The following EIF4B variants were observed in gnomAD, a reference collection of about 807,000 sequenced individuals.
EIF4B encodes the protein eukaryotic translation initiation factor 4B.
Under a neutral mutation model 79.3 loss-of-function variants are expected in EIF4B, and 8 were observed. The ratio of observed to expected loss-of-function variants is 0.10; its 90% confidence interval spans 0.06 to 0.18. The LOEUF is 0.18. Among genes scored for constraint, EIF4B ranks in the 10% least tolerant of loss-of-function variants. The pLI is 1.00. For missense variants in EIF4B, 515 were observed against 792.4 expected, an observed-to-expected ratio of 0.65 and a Z score of 4.20; for synonymous variants, 238 against 274.7, an observed-to-expected ratio of 0.87 and a Z score of 1.32.
Position 53,040,195 on chromosome 12 carries a change from A to G in EIF4B, c.1808A>G (p.Glu603Gly), listed in dbSNP as rs758119992. Residue 603 changes from glutamate to glycine, a missense_variant, in exon 15 of 15, where the codon GAA becomes GGA. Glu to Gly is a moderately conservative substitution (Grantham distance 98). This residue lies in a region of EIF4B where 60 missense variants were observed against 56.7 expected (regional missense o/e 1.06). Transcript: ENST00000262056. ...YAALSVDGEDENEGEDYAE is the reference protein window; with the variant it reads ...YAALSVDGEDGNEGEDYAE ...GCTCTCTCTGTTGATGGTGAAGATG[A>G]AAATGAGGGAGAAGATTATGCCGAA... The G allele has an allele frequency of 2.7e-5, 43 of 1,614,016 alleles. No homozygotes were observed. The highest frequency in any genetic ancestry group is 3.4e-5 in the Non-Finnish European group (40 of 1,179,996).
intron 8 of EIF4B, among the ~76,000 whole-genome samples, chr12:53,030,997 AC>A (rs774006594): frequency 1.1e-4 from 17 of 148,248 alleles, no homozygotes; most frequent in African/African-American, 4.0e-4. Context: ...TCTTGCTCTT[AC>A]CCCCCCATTC....
Position 53,021,848 on chromosome 12 carries a change from G to A in EIF4B, c.520G>A (p.Ala174Thr), listed in dbSNP as rs761926545. Residue 174 changes from alanine (A) to threonine (T), a missense_variant, in exon 5 of 15, where the codon GCA becomes ACA. This residue lies in a region of EIF4B where 16 missense variants were observed against 54.0 expected (regional missense o/e 0.30). Coordinates refer to ENST00000262056, the MANE Select transcript of EIF4B (RefSeq NM_001417.7). ...RRIRVDVADQ[A>T]QDKDRDDRSF... ...AATTCGAGTGGACGTTGCTGATCAA[G>A]CACAGGATAAAGGTAAGGAAACTGG... 1 of 1,614,200 alleles carries A rather than the reference G, an allele frequency of 6.2e-7. No individual in the cohort carries two copies. The highest frequency in any genetic ancestry group is 2.2e-5 in the East Asian group (1 of 44,886).
intron 8 of EIF4B, among the ~76,000 whole-genome samples, chr12:53,030,410 A>ATTTTTTTTTTTTTTT (rs1555153412): frequency 2.9e-4 from 10 of 34,192 alleles, no homozygotes; most frequent in Non-Finnish European, 5.6e-4. Flanking sequence ...AAAAAATTAT[A>ATTTTTTTTTTTTTTT]TTCTTTTTTT....
In EIF4B at chr12:53,028,065, C is replaced by T. The variant is rs776635410; in HGVS notation, c.856C>T (p.Arg286Cys). 4.3e-6 allele frequency: 7 copies of T among 1,613,470 alleles called. No homozygotes were observed. The highest frequency in any genetic ancestry group is 3.4e-6 in the Non-Finnish European group (4 of 1,179,764). Residue 286 changes from arginine to cysteine, a missense_variant, in exon 8 of 15, where the codon CGC (arginine) becomes TGC (cysteine). By Grantham distance (180) the Arg-to-Cys change is radical. Transcript: ENST00000262056. ...CAGAAGAGCATTTGGCAGTGGGTAT[C>T]GCAGGGATGATGACTACAGAGGAGG... ...SGRRAFGSGY[R>C]RDDDYRGGGD...
Position 53,040,175 on chromosome 12 carries a change from C to A in EIF4B, c.1788C>A (p.Leu596=). ...KFSSASKYAA[L]SVDGEDENEG... Reference sequence around the variant, plus strand: ...GTTCTGCAAGCAAGTATGCTGCTCTCTCTGTTGATGGTGAAGATGAAAATG... The same window carrying A: ...GTTCTGCAAGCAAGTATGCTGCTCTATCTGTTGATGGTGAAGATGAAAATG... Residue 596 remains leucine (L), a synonymous_variant, in exon 15 of 15, where the codon CTC becomes CTA. Coordinates refer to ENST00000262056, the MANE Select transcript of EIF4B (RefSeq NM_001417.7). The A allele has an allele frequency of 1.2e-6, 2 of 1,614,206 alleles. No homozygotes were observed. Among genetic ancestry groups the A allele is most frequent in the Non-Finnish European group, 1.7e-6 (2 of 1,180,024 alleles).
rs1406698165 is a variant in EIF4B at position 53,039,669 on chromosome 12, T to G, written c.1722T>G (p.Pro574=). The change falls in exon 14 of 15, where the codon CCT becomes CCG. Residue 574 remains proline (P), a synonymous_variant. Coordinates refer to ENST00000262056, the MANE Select transcript of EIF4B (RefSeq NM_001417.7). ...AGGATCAAGACTCCAGATCTGCACC[T>G]GAGCCAAAGAAACCTGAGGAAAATC... The part of the protein sequence containing the change: ...GKKDQDSRSA[P]EPKKPEENPA... 11 of 1,613,718 alleles carry G rather than the reference T, an allele frequency of 6.8e-6. No homozygotes were observed. Among genetic ancestry groups the G allele is most frequent in the Non-Finnish European group, 8.5e-6 (10 of 1,179,840 alleles).
chr12:53,030,413 CTTTTTTTTTTTTT>C (rs759061266), intron 8 of EIF4B, among the ~76,000 whole-genome samples: 11,285 of 43,430 alleles, frequency 0.26, 1,736 homozygotes, highest in South Asian at 0.46. Context: ...AAATTATATT[CTTTTTTTTTTTTT>C]TTTTTTTTTT....
At chr12:53,017,184 C>T (rs958672105) in intron 2 of EIF4B, among the ~76,000 whole-genome samples, 1 of 150,618 alleles carries the variant, frequency 6.6e-6, no homozygotes, top group African/African-American at 2.5e-5. Flanking sequence ...ACCTGGGAGG[C>T]GGAGGGTGCA....
In EIF4B at chr12:53,022,575, A is replaced by T; in HGVS notation, c.615A>T (p.Thr205=). 6.2e-7 allele frequency: 1 copy of T among 1,613,918 alleles called. No homozygotes were observed. Among genetic ancestry groups the T allele is most frequent in the Non-Finnish European group, 8.5e-7 (1 of 1,179,900 alleles). The change falls in exon 6 of 15, where the codon ACA becomes ACT. Residue 205 remains threonine (T), a synonymous_variant. Coordinates refer to ENST00000262056, the MANE Select transcript of EIF4B (RefSeq NM_001417.7). ...CAGACTGGAGGGCTCGTCCTGCTAC[A>T]GACAGCTTTGATGACTACCCACCTA... ...TDTDWRARPA[T]DSFDDYPPRR...
intron 1 of EIF4B, among the ~76,000 whole-genome samples, chr12:53,013,188 A>G (rs906496074): frequency 4.6e-5 from 7 of 152,230 alleles, no homozygotes; most frequent in Admixed American, 1.3e-4. Context: ...AGATACGTAT[A>G]TAGAACAAAG....
In EIF4B at chr12:53,040,295, A is replaced by G; in HGVS notation, c.*72A>G. On this transcript the variant is annotated 3_prime_UTR_variant, in exon 15 of 15. Coordinates refer to ENST00000262056, the MANE Select transcript of EIF4B (RefSeq NM_001417.7). ...CATTCGAGAGCAAATCAAAACCTCTATCCAGACAAGACAAAATAAAACTCA... is the reference window on the plus strand; with the variant it reads ...CATTCGAGAGCAAATCAAAACCTCTGTCCAGACAAGACAAAATAAAACTCA... 1.4e-6 allele frequency: 2 copies of G among 1,398,832 alleles called. No individual in the cohort carries two copies. The highest frequency in any genetic ancestry group is 1.2e-5 in the South Asian group (1 of 82,336). 86.7% of individuals were successfully genotyped at this position (1,398,832 alleles called of 1,614,324 possible). A position where few individuals can be genotyped will look rare whatever the true frequency, so the allele number is the denominator to read the frequency against.
At chr12:53,007,739 A>G (rs1565753042) in intron 1 of EIF4B, among the ~76,000 whole-genome samples, 1 of 152,208 alleles carries the variant, frequency 6.6e-6, no homozygotes, top group Non-Finnish European at 1.5e-5. Context: ...CTCTATTACA[A>G]AGAAGCTAAG....
rs1943561467 is a variant in EIF4B, at chr12:53,037,616, C to T, written c.1514C>T (p.Pro505Leu). 6.2e-7 allele frequency: 1 copy of T among 1,613,866 alleles called. No homozygotes were observed. Among genetic ancestry groups the T allele is most frequent in the Non-Finnish European group, 8.5e-7 (1 of 1,179,790 alleles). Residue 505 changes from proline to leucine, a missense_variant, in exon 11 of 15, where the codon CCT (proline) becomes CTT (leucine). Transcript: ENST00000262056. ...SQSSDTEQQS[P>L]TSGGGKVAPA... is the part of the protein sequence containing the mutation. Reference sequence around the variant, plus strand: ...AGCTCAGACACAGAGCAGCAGTCCCCTACAAGGTGAGTCAGTTTGGAAACA... The same window carrying T: ...AGCTCAGACACAGAGCAGCAGTCCCTTACAAGGTGAGTCAGTTTGGAAACA...
intron 8 of EIF4B, among the ~76,000 whole-genome samples, chr12:53,032,669 G>GTTTTTTTTT (rs779279397): frequency 3.0e-5 from 4 of 132,300 alleles, no homozygotes; most frequent in African/African-American, 5.6e-5. Context: ...GGGTTTTTTT[G>GTTTTTTTTT]TTTTTTTTTT....
At chr12:53,006,861 CG>C (rs915734067) in intron 1 of EIF4B, among the ~76,000 whole-genome samples, 27 of 151,110 alleles carry the variant, frequency 1.8e-4, no homozygotes, top group African/African-American at 6.6e-4. Flanking sequence ...AGGAAGGAGG[CG>C]GTTGCTGCGC....
At chr12:53,010,408 A>G (rs1943044285) in intron 1 of EIF4B, among the ~76,000 whole-genome samples, 1 of 152,034 alleles carries the variant, frequency 6.6e-6, no homozygotes, top group Non-Finnish European at 1.5e-5. Context: ...GCATTTTTTT[A>G]CTTGAGAAGG....
intron 1 of EIF4B, 95 bp from the exon 2 acceptor site, chr12:53,016,378 A>C (rs751964505): frequency 1.3e-6 from 2 of 1,509,888 alleles, no homozygotes; most frequent in Non-Finnish European, 1.8e-6. Flanking sequence ...CGTCCATGTT[A>C]TTTCTTTCTA....
chr12:53,021,979 T>G, intron 5 of EIF4B, 119 bp downstream of exon 5: 1 of 1,230,874 alleles, frequency 8.1e-7, no homozygotes, highest in Non-Finnish European at 1.2e-6. Flanking sequence ...CAGTAACAGT[T>G]TTCAATCAGT....
chr12:53,029,376 T>A (rs578011251), intron 8 of EIF4B, among the ~76,000 whole-genome samples: 39 of 26,712 alleles, frequency 1.5e-3, no homozygotes, highest in African/African-American at 3.5e-3. Flanking sequence ...TTTTTTATTT[T>A]ATTTTTTTTT....
Sources: allele counts gnomAD v4.1 joint callset (sites outside exome capture counted in the v4.1 genomes callset), GRCh38; gene constraint gnomAD v4.1.1; regional missense constraint gnomAD v4.1.1; transcripts MANE v1.5; gene names NCBI Gene and HGNC (gene_info 2026-07-23, HGNC 2026-07-21).